The following MMS22L variants were observed in gnomAD, a reference collection of about 807,000 sequenced individuals.
The protein encoded by MMS22L is protein MMS22-like.
A neutral mutation model predicts 159.1 loss-of-function variants in MMS22L; 74 were observed. The observed-to-expected ratio is 0.47, with a 90% CI of 0.39 to 0.56. The LOEUF (loss-of-function observed/expected upper bound fraction) is 0.56, where lower values mean the gene tolerates loss of function less well. Ranked by LOEUF, MMS22L falls within the 20% of genes least tolerant of loss-of-function variation. MMS22L has a pLI of 0.00. For missense variants in MMS22L, 1,351 were observed against 1,422.1 expected, an observed-to-expected ratio of 0.95 and a Z score of 0.80; for synonymous variants, 517 against 506.9, an observed-to-expected ratio of 1.02 and a Z score of -0.27.
intron 14 of MMS22L, among the ~76,000 whole-genome samples, chr6:97,195,366 T>C (rs532665443): frequency 5.3e-5 from 8 of 152,232 alleles, no homozygotes; most frequent in East Asian, 1.9e-4. Context: ...TGTAAGGACT[T>C]TGGATAAAAT....
chr6:97,187,195 T>A (rs1388637959), intron 14 of MMS22L, among the ~76,000 whole-genome samples: 1 of 152,174 alleles, frequency 6.6e-6, no homozygotes, highest in Non-Finnish European at 1.5e-5. Context: ...TCTTACTACT[T>A]TGGTCCCAAA....
At chr6:97,279,036 T>G in intron 3 of MMS22L, 138 bp from the exon 4 acceptor site, 1 of 626,578 alleles carries the variant, frequency 1.6e-6, no homozygotes. Flanking sequence ...TTGTGAATGT[T>G]AATTAAAGGA....
chr6:97,242,211 C>G (rs1019388749), intron 11 of MMS22L, among the ~76,000 whole-genome samples: 5 of 152,118 alleles, frequency 3.3e-5, no homozygotes, highest in Non-Finnish European at 5.9e-5. Context: ...AAGTCCCCCA[C>G]TATTATTGTG....
intron 9 of MMS22L, among the ~76,000 whole-genome samples, chr6:97,258,269 CT>C (rs1283563885): frequency 5.9e-5 from 9 of 152,248 alleles, no homozygotes; most frequent in African/African-American, 2.2e-4. Flanking sequence ...CTCTCATGTC[CT>C]TCTGACATGT....
chr6:97,203,313 T>A lies in MMS22L; in HGVS notation c.2040-16623A>T, dbSNP rs183346788. Among the ~76,000 whole-genome samples, 522 of 140,030 alleles carry A rather than the reference T, an allele frequency of 3.7e-3. 2 individuals are homozygous for A. The highest frequency in any genetic ancestry group is 0.013 in the African/African-American group (465 of 36,704). 91.9% of individuals were successfully genotyped at this position (140,030 alleles called of 152,430 possible). On this transcript the variant is annotated intron_variant, in intron 14 of 24. Coordinates refer to ENST00000683635, the MANE Select transcript of MMS22L (RefSeq NM_001350599.2). ...GGACTGGTTATTTATTTATTTATTT[T>A]TTTTACTGTCTTTAACTCAGGTAAA...
intron 11 of MMS22L, among the ~76,000 whole-genome samples, chr6:97,240,842 G>A (rs938212356): frequency 1.3e-5 from 2 of 151,870 alleles, no homozygotes; most frequent in Admixed American, 1.3e-4. Flanking sequence ...GGCCAGGCTG[G>A]TCTTGAACTC....
chr6:97,235,042 C>T (rs1811249384), intron 11 of MMS22L, among the ~76,000 whole-genome samples: 1 of 152,042 alleles, frequency 6.6e-6, no homozygotes, highest in Non-Finnish European at 1.5e-5. Flanking sequence ...AAAGAGTAAG[C>T]ACAGAAGTGA....
chr6:97,162,972 GTAA>G (rs71762131), intron 21 of MMS22L, among the ~76,000 whole-genome samples: 2,494 of 151,962 alleles, frequency 0.016, 64 homozygotes, highest in African/African-American at 0.056. Flanking sequence ...TATTTGCAAA[GTAA>G]TAATAACCAT....
intron 12 of MMS22L, among the ~76,000 whole-genome samples, chr6:97,231,863 T>C (rs1211803789): frequency 6.6e-6 from 1 of 152,188 alleles, no homozygotes; most frequent in Non-Finnish European, 1.5e-5. Flanking sequence ...CAAATGTGTT[T>C]TTAACAGTTG....
chr6:97,240,264 A>C (rs1811911106), intron 11 of MMS22L, among the ~76,000 whole-genome samples: 1 of 152,264 alleles, frequency 6.6e-6, no homozygotes, highest in Admixed American at 6.5e-5. Flanking sequence ...AAGGAATAGC[A>C]GAGAACCACA....
In MMS22L at chr6:97,169,763, T is replaced by C. The variant is rs370133724; in HGVS notation, c.2840-1523A>G. 2.7e-4 allele frequency among the ~76,000 whole-genome samples: 41 copies of C among 152,284 alleles called. 2 individuals carry two copies. The highest frequency in any genetic ancestry group is 7.7e-4 in the African/African-American group (32 of 41,574). Reference sequence around the variant, plus strand: ...AACTTATATTCTAAAAACATTAATATACCTGTAAGGGGAACTGCTATCATC... The same window carrying C: ...AACTTATATTCTAAAAACATTAATACACCTGTAAGGGGAACTGCTATCATC... On this transcript the variant is annotated intron_variant, in intron 19 of 24. Transcript: ENST00000683635.
intron 19 of MMS22L, among the ~76,000 whole-genome samples, chr6:97,171,928 G>A (rs1268750405): frequency 6.6e-6 from 1 of 152,156 alleles, no homozygotes; most frequent in African/African-American, 2.4e-5. Context: ...GGGCAACACT[G>A]TAGCAATATA....
intron 14 of MMS22L, among the ~76,000 whole-genome samples, chr6:97,223,904 A>G (rs906196121): frequency 6.6e-6 from 1 of 152,182 alleles, no homozygotes; most frequent in African/African-American, 2.4e-5. Flanking sequence ...AGACTTGCAT[A>G]TTGCTGCACT....
chr6:97,162,462 T>C (rs548894242), intron 21 of MMS22L, among the ~76,000 whole-genome samples: 7 of 152,080 alleles, frequency 4.6e-5, no homozygotes, highest in Non-Finnish European at 8.8e-5. Flanking sequence ...TAACTGTTAA[T>C]TTGCAGGTTT....
intron 19 of MMS22L, 123 bp downstream of exon 19, chr6:97,172,940 T>C (rs1803699238): frequency 1.1e-6 from 1 of 885,798 alleles, no homozygotes; most frequent in Non-Finnish European, 1.7e-6. Flanking sequence ...AATCACTGTA[T>C]TTCAGATTAC....
chr6:97,233,926 A>G lies in MMS22L; in HGVS notation c.1237T>C (p.Cys413Arg). The G allele has an allele frequency of 5.6e-6, 9 of 1,612,358 alleles. No homozygotes were observed. Among genetic ancestry groups the G allele is most frequent in the Non-Finnish European group, 7.6e-6 (9 of 1,179,134 alleles). ...RMYLHCCLTL[C>R]DFWEPNIAIV... ...GCAATGTTTGGCTCCCAGAAATCAC[A>G]AAGTGTCAAACAACAGTGAAGATAC... Residue 413 changes from cysteine (C) to arginine (R), a missense_variant, in exon 12 of 25, where the codon TGT becomes CGT. By Grantham distance (180) the Cys-to-Arg change is radical. Transcript: ENST00000683635.
At chr6:97,260,488 T>C (rs186786653) in intron 9 of MMS22L, 1 of 152,346 alleles carries the variant, frequency 6.6e-6, no homozygotes, top group East Asian at 1.9e-4. Flanking sequence ...CCTCTTCCTA[T>C]TTCTTTCCTG....
Position 97,178,679 on chromosome 6 carries a change from A to C in MMS22L, c.2537-94T>G, listed in dbSNP as rs1330440963. 1.1e-5 allele frequency: 6 copies of C among 546,550 alleles called. No homozygotes were observed. In the East Asian group the frequency reaches 1.4e-4, roughly 12 times the overall value. The allele number at this position is 546,550 out of a possible 1,614,324, so 33.9% of individuals were successfully genotyped here. Reference sequence around the variant, plus strand: ...ACATATATATAATGTATATATGAGAAGTAATACAGTATTCTTCACTTATGA... The same window carrying C: ...ACATATATATAATGTATATATGAGACGTAATACAGTATTCTTCACTTATGA... On this transcript the variant is annotated intron_variant, in intron 17 of 24. Coordinates refer to ENST00000683635, the MANE Select transcript of MMS22L (RefSeq NM_001350599.2).
intron 22 of MMS22L, among the ~76,000 whole-genome samples, chr6:97,159,463 T>C (rs1322605845): frequency 6.6e-6 from 1 of 152,034 alleles, no homozygotes; most frequent in Non-Finnish European, 1.5e-5. Context: ...TGTGGTATTG[T>C]TATACTTATT....
Sources: gnomAD v4.1 joint callset for allele counts (sites outside exome capture counted in the v4.1 genomes callset) on GRCh38, gnomAD v4.1.1 for gene constraint, MANE v1.5 for transcripts, NCBI Gene and HGNC (gene_info 2026-07-23, HGNC 2026-07-21) for gene names.